Variants in MMP3 observed in about 807,000 individuals in gnomAD.
The protein encoded by MMP3 is stromelysin-1.
A neutral mutation model predicts 47.3 loss-of-function variants in MMP3; 46 were observed. The observed-to-expected ratio is 0.97, with a 90% confidence interval of 0.77 to 1.24. MMP3 has a LOEUF of 1.24. Ranked by LOEUF, MMP3 falls within the 50% of genes most tolerant of loss-of-function variation. The pLI, the probability that MMP3 is intolerant of heterozygous loss-of-function variation, is 0.00. For synonymous variants in MMP3, 216 were observed against 206.5 expected (o/e 1.05, Z -0.39); for missense variants, 558 against 565.5 (o/e 0.99, Z 0.13).
chr11:102,842,474 C>G lies in MMP3; in HGVS notation c.456G>C (p.Leu152=), dbSNP rs553563916. 2.2e-6 allele frequency: 3 copies of G among 1,395,028 alleles called. No homozygotes were observed. Among genetic ancestry groups the G allele is most frequent in the Non-Finnish European group, 1.9e-6 (2 of 1,052,624 alleles). The allele number at this position is 1,395,028 out of a possible 1,614,324, so 86.4% of individuals were successfully genotyped here. ...EEVTPLTFSR[L]YEGEADIMIS... Reference sequence around the variant, plus strand: ...TCATTATATCAGCCTCTCCTTCATACAGCCTGGAGAATGTGAGTGGAGTCA... The same window carrying G: ...TCATTATATCAGCCTCTCCTTCATAGAGCCTGGAGAATGTGAGTGGAGTCA... Residue 152 remains leucine (L), a synonymous_variant, in exon 3 of 10, where the codon CTG becomes CTC. Coordinates refer to ENST00000299855, the MANE Select transcript of MMP3 (RefSeq NM_002422.5).
Position 102,838,656 on chromosome 11 carries a change from C to A in MMP3, c.1124G>T (p.Gly375Val), listed in dbSNP as rs1858931455. 1 of 1,613,426 alleles carries A rather than the reference C, an allele frequency of 6.2e-7. No individual in the cohort carries two copies. Among genetic ancestry groups the A allele is most frequent in the African/African-American group, 1.3e-5 (1 of 75,028 alleles). ...TGGAGGGAAACCTAGGGTGTGGATG[C>A]CTCTTGGGTATCCAGCTCGTACCTC... is the stretch of plus-strand genomic sequence containing the variant. ...GNEVRAGYPR[G>V]IHTLGFPPTV... The change falls in exon 8 of 10, where the codon GGC becomes GTC. Residue 375 changes from glycine to valine, a missense_variant. Transcript: ENST00000299855.
chr11:102,840,406 C>A, intron 5 of MMP3, 23 bp downstream of exon 5: 1 of 1,609,026 alleles, frequency 6.2e-7, no homozygotes. Flanking sequence ...ACTACAATGG[C>A]TGATTTTCCC....
rs1555005817 is a variant in MMP3, at chr11:102,842,843, A to G, written c.179T>C (p.Val60Ala). 6.2e-7 allele frequency: 1 copy of G among 1,613,820 alleles called. No individual in the cohort carries two copies. The highest frequency in any genetic ancestry group is 8.5e-7 in the Non-Finnish European group (1 of 1,179,878). Reference protein sequence around the residue: ...QFVRRKDSGPVVKKIREMQKF... With the variant: ...QFVRRKDSGPAVKKIREMQKF... The stretch of plus-strand genomic sequence containing the variant: ...CTGCATTTCTCGGATTTTTTTAACA[A>G]CAGGACCACTGTCCTTTCTCCTAAC... Residue 60 changes from valine (V) to alanine (A), a missense_variant, in exon 2 of 10, where the codon GTT becomes GCT. Val to Ala is a moderately conservative substitution (Grantham distance 64). Coordinates refer to ENST00000299855, the MANE Select transcript of MMP3 (RefSeq NM_002422.5).
At position 102,837,648 on chromosome 11, in the gene MMP3, T is replaced by C. The variant is rs1398381951; in HGVS notation, c.1230-247A>G. On this transcript the variant is annotated intron_variant, in intron 8 of 9. Transcript: ENST00000299855. This position sits in a 1 kb window ranked among gnomAD's most constrained non-coding sequence, Gnocchi z 4.4. ...TAGCACATGCTGTTTGTCATCATAT[T>C]TCTTAAGCCTGGACAGAAAGAACCT... Among the ~76,000 whole-genome samples the C allele has an allele frequency of 6.6e-6, 1 of 152,136 alleles. No individual in the cohort carries two copies. Among genetic ancestry groups the C allele is most frequent in the East Asian group, 1.9e-4 (1 of 5,198 alleles).
Position 102,838,628 on chromosome 11 carries a change from G to A in MMP3, c.1152C>T (p.Thr384=), listed in dbSNP as rs372630037. The A allele has an allele frequency of 1.3e-5, 21 of 1,613,286 alleles. No individual in the cohort carries two copies. In the African/African-American group the frequency reaches 2.3e-4, roughly 17 times the overall value. ...AAATGGCTGCATCGATTTTCCTCAC[G>A]GTTGGAGGGAAACCTAGGGTGTGGA... ...RGIHTLGFPP[T]VRKIDAAISD... The change falls in exon 8 of 10, where the codon ACC becomes ACT. Residue 384 remains threonine (T), a synonymous_variant. Transcript: ENST00000299855.
intron 8 of MMP3, among the ~76,000 whole-genome samples, chr11:102,838,107 A>G (rs1419623843): frequency 6.6e-6 from 1 of 152,208 alleles, no homozygotes; most frequent in Non-Finnish European, 1.5e-5. Context: ...ACAAACACAC[A>G]ATGAGACAGT....
At chr11:102,841,837 T>C (rs1555005471) in intron 4 of MMP3, among the ~76,000 whole-genome samples, 1 of 152,154 alleles carries the variant, frequency 6.6e-6, no homozygotes, top group African/African-American at 2.4e-5. Flanking sequence ...GTAGATTCAG[T>C]GCAATATACT....
In MMP3 at chr11:102,836,392, T is replaced by G. The variant is rs1251627434; in HGVS notation, c.1334-166A>C. 1 of 675,380 alleles carries G rather than the reference T, an allele frequency of 1.5e-6. No individual in the cohort carries two copies. The highest frequency in any genetic ancestry group is 2.8e-6 in the Non-Finnish European group (1 of 363,126). 41.8% of individuals were successfully genotyped at this position (675,380 alleles called of 1,614,324 possible). ...TGTTACATGAATTTATTTTCATTTA[T>G]TTCTGCAACAACCCTATGAGGTTGT... On this transcript the variant is annotated intron_variant, in intron 9 of 9. Transcript: ENST00000299855. The surrounding 1 kb of genome is among the most constrained non-coding windows in gnomAD (Gnocchi z 4.6).
At position 102,835,920 on chromosome 11, in the gene MMP3, G is replaced by A. The variant is rs1858871941; in HGVS notation, c.*206C>T. The A allele has an allele frequency of 1.9e-6, 1 of 525,360 alleles. No individual in the cohort carries two copies. Among genetic ancestry groups the A allele is most frequent in the Non-Finnish European group, 3.4e-6 (1 of 293,152 alleles). The allele number at this position is 525,360 out of a possible 1,614,324, so 32.5% of individuals were successfully genotyped here. On this transcript the variant is annotated 3_prime_UTR_variant, in exon 10 of 10. Transcript: ENST00000299855. Reference sequence around the variant, plus strand: ...GGGAAAGATCACTCTATGTGACAAGGTGCAAGCTAAGCAGCAGCCCATTTG... The same window carrying A: ...GGGAAAGATCACTCTATGTGACAAGATGCAAGCTAAGCAGCAGCCCATTTG...
chr11:102,842,405 T>A (rs1181273552), intron 3 of MMP3, 26 bp downstream of exon 3: 2 of 180,192 alleles, frequency 1.1e-5, no homozygotes, highest in Non-Finnish European at 1.5e-5. Flanking sequence ...TTTGTTTTGC[T>A]TTTTTTTTTT....
In MMP3 at chr11:102,840,557, C is replaced by G. The variant is rs782720970; in HGVS notation, c.662G>C (p.Gly221Ala). Residue 221 changes from glycine to alanine, a missense_variant, in exon 5 of 10, where the codon GGC becomes GCC. Transcript: ENST00000299855. ...NLFLVAAHEI[G>A]HSLGLFHSAN... is the part of the protein sequence containing the mutation. Reference sequence around the variant, plus strand: ...TGAGTGAAAGAGACCCAGGGAGTGGCCAATTTCATGAGCAGCAACGAGAAA... The same window carrying G: ...TGAGTGAAAGAGACCCAGGGAGTGGGCAATTTCATGAGCAGCAACGAGAAA... The G allele has an allele frequency of 1.2e-6, 2 of 1,613,758 alleles. No individual in the cohort carries two copies.
chr11:102,838,170 C>T (rs148035475), intron 8 of MMP3, among the ~76,000 whole-genome samples: 198 of 152,244 alleles, frequency 1.3e-3, no homozygotes, highest in African/African-American at 4.4e-3. Flanking sequence ...GGGAAGGGAA[C>T]GCTAAATTGC....
At position 102,837,911 on chromosome 11, in the gene MMP3, C is replaced by T. The variant is rs562533702; in HGVS notation, c.1230-510G>A. Among the ~76,000 whole-genome samples, 7 of 152,090 alleles carry T rather than the reference C, an allele frequency of 4.6e-5. No homozygotes were observed. The highest frequency in any genetic ancestry group is 7.2e-5 in the African/African-American group (3 of 41,420). On this transcript the variant is annotated intron_variant, in intron 8 of 9. Coordinates refer to ENST00000299855, the MANE Select transcript of MMP3 (RefSeq NM_002422.5). The surrounding 1 kb of genome is among the most constrained non-coding windows in gnomAD (Gnocchi z 4.4). ...TGGCTGGATATCAGATGGTCGGCCTCGATGTCTCAAAGTCTGGCCAAATGA... is the reference window on the plus strand; with the variant it reads ...TGGCTGGATATCAGATGGTCGGCCTTGATGTCTCAAAGTCTGGCCAAATGA...
At position 102,842,769 on chromosome 11, in the gene MMP3, C is replaced by A; in HGVS notation, c.253G>T (p.Glu85Ter). ...CCACACCTGGGCTTGCGCATCACCT[C>A]CAGAGTGTCGGAGTCCAGCTTCCCC... is the stretch of plus-strand genomic sequence containing the variant. ...VTGKLDSDTL[E>*]VMRKPRCGVP... Residue 85 changes from glutamate (E) to a stop codon, truncating the protein, a stop_gained, in exon 2 of 10, where the codon GAG becomes TAG. Coordinates refer to ENST00000299855, the MANE Select transcript of MMP3 (RefSeq NM_002422.5). LOFTEE classifies it high-confidence loss of function. The A allele has an allele frequency of 6.2e-7, 1 of 1,613,930 alleles. No individual in the cohort carries two copies. The highest frequency in any genetic ancestry group is 8.5e-7 in the Non-Finnish European group (1 of 1,179,926).
intron 8 of MMP3, 72 bp downstream of exon 8, chr11:102,838,479 G>T: frequency 6.7e-7 from 1 of 1,498,460 alleles, no homozygotes; most frequent in Admixed American, 2.0e-5. Flanking sequence ...GTTGGGGTGG[G>T]GGATTTCCTT....
chr11:102,840,361 C>A, intron 5 of MMP3, 68 bp downstream of exon 5: 1 of 1,587,552 alleles, frequency 6.3e-7, no homozygotes, highest in Non-Finnish European at 8.6e-7. Context: ...CTTTATGTAG[C>A]ATTTGAAAGC....
Position 102,842,563 on chromosome 11 carries a change from G to T in MMP3, c.367C>A (p.Pro123Thr), listed in dbSNP as rs1364558361. The change falls in exon 3 of 10, where the codon CCA becomes ACA. Residue 123 changes from proline to threonine, a missense_variant. Pro to Thr is a conservative substitution (Grantham distance 38). Transcript: ENST00000299855. The part of the protein sequence containing the change: ...HLTYRIVNYT[P>T]DLPKDAVDSA... ...TCAACAGCATCTTTTGGCAAATCTG[G>T]TGTATAATTCACAATCCTGTAGGAG... 2 of 1,613,764 alleles carry T rather than the reference G, an allele frequency of 1.2e-6. No homozygotes were observed. The highest frequency in any genetic ancestry group is 1.7e-6 in the Non-Finnish European group (2 of 1,179,932).
In MMP3 at chr11:102,836,017, G is replaced by A. The variant is rs1311215229; in HGVS notation, c.*109C>T. 12 of 793,650 alleles carry A rather than the reference G, an allele frequency of 1.5e-5. No individual in the cohort carries two copies. The highest frequency in any genetic ancestry group is 9.1e-5 in the Admixed American group (4 of 44,170). 49.2% of individuals were successfully genotyped at this position (793,650 alleles called of 1,614,324 possible). On this transcript the variant is annotated 3_prime_UTR_variant, in exon 10 of 10. Transcript: ENST00000299855. The surrounding 1 kb of genome is among the most constrained non-coding windows in gnomAD (Gnocchi z 4.6). ...GCTCAAGTTCCCTTGAGTGTGACTC[G>A]AGTCACAGCACAGGCAGGAGAAAAC...
At position 102,838,674 on chromosome 11, in the gene MMP3, C is replaced by T. The variant is rs781894748; in HGVS notation, c.1106G>A (p.Arg369Gln). 9 of 1,613,634 alleles carry T rather than the reference C, an allele frequency of 5.6e-6. No individual in the cohort carries two copies. In the South Asian group the frequency reaches 6.6e-5, roughly 12 times the overall value. Residue 369 changes from arginine (R) to glutamine (Q), a missense_variant, in exon 8 of 10, where the codon CGA (arginine) becomes CAA (glutamine). Transcript: ENST00000299855. ...GTGGATGCCTCTTGGGTATCCAGCT[C>T]GTACCTCATTTCCTCTGATAGCCCA... ...QFWAIRGNEV[R>Q]AGYPRGIHTL...
Sources: gnomAD v4.1 joint callset for allele counts (sites outside exome capture counted in the v4.1 genomes callset) on GRCh38, gnomAD v4.1.1 for gene constraint, Gnocchi (gnomAD v3.1) non-coding constraint, MANE v1.5 for transcripts, NCBI Gene and HGNC (gene_info 2026-07-23, HGNC 2026-07-21) for gene names.